Variants in SSBP2 observed in about 807,000 individuals in gnomAD.
SSBP2 encodes the protein single stranded DNA binding protein 2.
In SSBP2, 17 loss-of-function variants were observed where a neutral mutation model predicts 61.8. The ratio of observed to expected loss-of-function variants is 0.28; its 90% CI spans 0.19 to 0.41. SSBP2 has a LOEUF of 0.41. Among genes scored for constraint, SSBP2 ranks in the 10% least tolerant of loss-of-function variants. SSBP2 has a pLI of 1.00. For synonymous variants in SSBP2, 139 were observed against 141.3 expected (o/e 0.98, Z 0.12); for missense variants, 310 against 458.7 (o/e 0.68, Z 2.96).
chr5:81,670,698 T>C (rs1424114527), intron 1 of SSBP2, among the ~76,000 whole-genome samples: 2 of 152,220 alleles, frequency 1.3e-5, no homozygotes, highest in African/African-American at 4.8e-5. Context: ...TTTTCCTTAA[T>C]TCCCCCTGTG....
intron 4 of SSBP2, among the ~76,000 whole-genome samples, chr5:81,602,213 C>G (rs1217649569): frequency 6.6e-6 from 1 of 152,132 alleles, no homozygotes; most frequent in Admixed American, 6.5e-5. Context: ...TTCAGGGATC[C>G]AAGAGCCTCT....
At chr5:81,747,727 A>G (rs1757447396) in intron 1 of SSBP2, among the ~76,000 whole-genome samples, 1 of 152,188 alleles carries the variant, frequency 6.6e-6, no homozygotes, top group African/African-American at 2.4e-5. Context: ...ACCTCAGAGA[A>G]GAAATTAGAT....
At chr5:81,464,433 C>A (rs539304540) in intron 9 of SSBP2, among the ~76,000 whole-genome samples, 1 of 151,998 alleles carries the variant, frequency 6.6e-6, no homozygotes, top group Non-Finnish European at 1.5e-5. Context: ...GTTACAGAAA[C>A]ATAGAAAGTA....
intron 4 of SSBP2, among the ~76,000 whole-genome samples, chr5:81,593,714 A>G (rs1254583885): frequency 2.0e-5 from 3 of 152,220 alleles, no homozygotes; most frequent in African/African-American, 7.2e-5. Flanking sequence ...AGAATTTTCA[A>G]TCCAGAATCT....
intron 1 of SSBP2, among the ~76,000 whole-genome samples, chr5:81,662,165 A>G (rs1297121654): frequency 2.6e-5 from 4 of 152,188 alleles, no homozygotes; most frequent in Non-Finnish European, 5.9e-5. Context: ...CATATCACCA[A>G]ATAAAATTAT....
intron 16 of SSBP2, 85 bp downstream of exon 16, chr5:81,428,499 GC>G: frequency 4.5e-6 from 4 of 897,606 alleles, no homozygotes; most frequent in Non-Finnish European, 7.3e-6. Flanking sequence ...TAGATAAACA[GC>G]AGTAAAAGTG....
At chr5:81,750,677 C>T (rs1327968117) in intron 1 of SSBP2, 2 of 420,730 alleles carry the variant, frequency 4.8e-6, no homozygotes, top group Non-Finnish European at 8.5e-6. Flanking sequence ...AAGGTGAACC[C>T]GCGGGTTATT....
intron 1 of SSBP2, among the ~76,000 whole-genome samples, chr5:81,695,977 TA>T (rs1753574566): frequency 6.6e-6 from 1 of 152,184 alleles, no homozygotes; most frequent in South Asian, 2.1e-4. Flanking sequence ...GACATTCAAA[TA>T]TTTCCTAATG....
chr5:81,594,145 A>T (rs1743446025), intron 4 of SSBP2, among the ~76,000 whole-genome samples: 1 of 152,238 alleles, frequency 6.6e-6, no homozygotes, highest in East Asian at 1.9e-4. Context: ...GGATAGAAGA[A>T]GATCTACCAA....
intron 16 of SSBP2, among the ~76,000 whole-genome samples, chr5:81,427,117 CCA>C (rs1762002198): frequency 6.6e-6 from 1 of 152,048 alleles, no homozygotes; most frequent in African/African-American, 2.4e-5. Flanking sequence ...CTGAATTATA[CCA>C]CTTTATTGCT....
At chr5:81,501,563 CTTTTTTT>C (rs71603598) in intron 5 of SSBP2, among the ~76,000 whole-genome samples, 17 of 117,390 alleles carry the variant, frequency 1.4e-4, no homozygotes, top group African/African-American at 3.8e-4. Context: ...TCTTTCTTTT[CTTTTTTT>C]TTTTTTTTTT....
At chr5:81,489,741 A>T (rs978303490) in intron 5 of SSBP2, among the ~76,000 whole-genome samples, 3 of 152,222 alleles carry the variant, frequency 2.0e-5, no homozygotes, top group Non-Finnish European at 4.4e-5. Context: ...TAATAATTTT[A>T]AAATTGCCAA....
At chr5:81,657,051 G>A (rs1020529250) in intron 1 of SSBP2, among the ~76,000 whole-genome samples, 8 of 152,058 alleles carry the variant, frequency 5.3e-5, no homozygotes, top group African/African-American at 1.9e-4. Flanking sequence ...TTTTATTGCA[G>A]GCCTTTTTTC....
rs1312360303 is a variant in SSBP2, at chr5:81,670,241, C to T, written c.63-19902G>A. Among the ~76,000 whole-genome samples the T allele has an allele frequency of 3.9e-5, 6 of 152,078 alleles. No individual in the cohort carries two copies. In the East Asian group the frequency reaches 7.7e-4, roughly 20 times the overall value. On this transcript the variant is annotated intron_variant, in intron 1 of 16. Transcript: ENST00000320672. ...CATTATGGTGGGGGATGTTGATAAA[C>T]GTGGAGGTAACACATGTGTGGGAGC...
At chr5:81,498,644 T>A (rs921078903) in intron 5 of SSBP2, among the ~76,000 whole-genome samples, 1 of 152,086 alleles carries the variant, frequency 6.6e-6, no homozygotes, top group African/African-American at 2.4e-5. Flanking sequence ...TGCCCTTTTT[T>A]AGTTAATTTA....
intron 1 of SSBP2, among the ~76,000 whole-genome samples, chr5:81,656,429 C>T (rs1033245826): frequency 6.6e-6 from 1 of 151,994 alleles, no homozygotes; most frequent in African/African-American, 2.4e-5. Flanking sequence ...AATTAAAAAG[C>T]AATAAAGGAC....
At chr5:81,549,243 T>G (rs539844639) in intron 4 of SSBP2, among the ~76,000 whole-genome samples, 1 of 152,258 alleles carries the variant, frequency 6.6e-6, no homozygotes, top group African/African-American at 2.4e-5. Context: ...TAAGGAGCAT[T>G]TGGTTTACCT....
chr5:81,500,493 A>C (rs967084404), intron 5 of SSBP2, among the ~76,000 whole-genome samples: 1 of 146,674 alleles, frequency 6.8e-6, no homozygotes, highest in Non-Finnish European at 1.5e-5. Context: ...ACGGAGTCTC[A>C]CTCTGTCGCC....
chr5:81,428,662 G>A lies in SSBP2; in HGVS notation c.979C>T (p.Leu327=), dbSNP rs963557001. ...CTTGGAGTGCCCGGTTGATTACTCA[G>A]GCTCATATTATTGGGAGAATTCTGT... is the stretch of plus-strand genomic sequence containing the variant. Residue 327 remains leucine (L), a synonymous_variant, in exon 16 of 17, where the codon CTG becomes TTG. Coordinates refer to ENST00000320672, the MANE Select transcript of SSBP2 (RefSeq NM_012446.5). 3 of 1,612,684 alleles carry A rather than the reference G, an allele frequency of 1.9e-6. No homozygotes were observed. Among genetic ancestry groups the A allele is most frequent in the Non-Finnish European group, 2.5e-6 (3 of 1,179,250 alleles).
Sources: allele counts gnomAD v4.1 joint callset (sites outside exome capture counted in the v4.1 genomes callset), GRCh38; gene constraint gnomAD v4.1.1; transcripts MANE v1.5; gene names NCBI Gene and HGNC (gene_info 2026-07-23, HGNC 2026-07-21).